The following ABI3BP variants were observed in gnomAD, a reference collection of about 807,000 sequenced individuals.
The protein encoded by ABI3BP is ABI family member 3 binding protein.
In ABI3BP, 216 loss-of-function variants were observed where a neutral mutation model predicts 268.6. The ratio of observed to expected loss-of-function variants is 0.80; its 90% CI spans 0.72 to 0.90. The LOEUF (loss-of-function observed/expected upper bound fraction) is 0.90. Ranked by LOEUF, ABI3BP falls within the 40% of genes least tolerant of loss-of-function variation. The pLI is 0.00. For synonymous variants in ABI3BP, 730 were observed against 730.0 expected (o/e 1.00, Z 0.00); for missense variants, 2,090 against 2,182.4 (o/e 0.96, Z 0.84).
In ABI3BP at chr3:100,991,198, T is replaced by C. The variant is rs2092856483; in HGVS notation, c.79+2108A>G. On this transcript the variant is annotated intron_variant, in intron 1 of 67. Transcript: ENST00000471714. ...AATCACTAGACTAAGTGATCATGAA[T>C]ATCTTTTCTAGCTCCAGAATTCTAA... Among the ~76,000 whole-genome samples, 3 of 152,196 alleles carry C rather than the reference T, an allele frequency of 2.0e-5. 1 individual carries two copies. The South Asian group carries it at 6.2e-4, about 31-fold the overall frequency.
At chr3:100,965,310 G>A (rs754251262) in intron 1 of ABI3BP, among the ~76,000 whole-genome samples, 1 of 152,112 alleles carries the variant, frequency 6.6e-6, no homozygotes, top group Non-Finnish European at 1.5e-5. Context: ...TATGGATATA[G>A]TGACAAAATT....
Position 100,796,556 on chromosome 3 carries a change from C to A in ABI3BP, c.3758-88G>T. 3.0e-6 allele frequency: 3 copies of A among 1,004,372 alleles called. No individual in the cohort carries two copies. In the South Asian group the frequency reaches 5.7e-5, roughly 19 times the overall value. The allele number at this position is 1,004,372 out of a possible 1,614,324, so 62.2% of individuals were successfully genotyped here. A position where few individuals can be genotyped will look rare whatever the true frequency, so the allele number is the denominator to read the frequency against. ...CCACAGATATAAAAATCCCAGAAAG[C>A]ATGAATGAAGCAAAAGTATTTTTAC... On this transcript the variant is annotated intron_variant, in intron 51 of 67. Transcript: ENST00000471714.
chr3:100,792,655 G>A, intron 55 of ABI3BP, 36 bp downstream of exon 55: 1 of 1,589,122 alleles, frequency 6.3e-7, no homozygotes. Context: ...AGCAAATAAG[G>A]AAAAGTTATT....
intron 1 of ABI3BP, among the ~76,000 whole-genome samples, chr3:100,967,214 T>C (rs73144915): frequency 0.14 from 21,283 of 152,066 alleles, 1,580 homozygotes; most frequent in Middle Eastern, 0.2. Flanking sequence ...TCAAATATTA[T>C]TTGAGGGCTA....
intron 32 of ABI3BP, among the ~76,000 whole-genome samples, chr3:100,830,235 C>T (rs982001902): frequency 2.8e-5 from 4 of 145,106 alleles, no homozygotes; most frequent in African/African-American, 7.7e-5. Context: ...ATAGCTGTGC[C>T]GATTTACTCA....
rs2097866011 is a variant in ABI3BP, at chr3:100,811,816, A to T, written c.3422-17T>A. On this transcript the variant is annotated splice_polypyrimidine_tract_variant and intron_variant, in intron 46 of 67. Coordinates refer to ENST00000471714, the MANE Select transcript of ABI3BP (RefSeq NM_001375547.2). ...TGGCTGGTGCTAGGGAAGAAACGGG[A>T]ATGGCTGGTTAGTGGTGGCCAACCC... 1.3e-6 allele frequency: 2 copies of T among 1,534,442 alleles called. No homozygotes were observed. Among genetic ancestry groups the T allele is most frequent in the Non-Finnish European group, 1.7e-6 (2 of 1,145,562 alleles).
intron 1 of ABI3BP, among the ~76,000 whole-genome samples, chr3:100,933,679 T>C (rs2064668738): frequency 6.9e-6 from 1 of 145,960 alleles, no homozygotes; most frequent in African/African-American, 2.5e-5. Context: ...GTAAAGAAAA[T>C]AATTCTTTCT....
intron 4 of ABI3BP, among the ~76,000 whole-genome samples, chr3:100,897,577 C>T (rs1324991351): frequency 6.6e-6 from 1 of 152,130 alleles, no homozygotes; most frequent in African/African-American, 2.4e-5. Context: ...TACTATATGA[C>T]TCCATTTATA....
intron 51 of ABI3BP, 50 bp from the exon 52 acceptor site, chr3:100,796,518 G>A (rs1401210316): frequency 7.2e-7 from 1 of 1,397,274 alleles, no homozygotes; most frequent in African/African-American, 1.5e-5. Flanking sequence ...AACCCAACTG[G>A]AGTGAGCTTA....
chr3:100,873,441 G>A (rs2099130072), intron 9 of ABI3BP, among the ~76,000 whole-genome samples: 1 of 152,004 alleles, frequency 6.6e-6, no homozygotes, highest in Non-Finnish European at 1.5e-5. Flanking sequence ...AGGGAAAGGG[G>A]GAAAAAGGAA....
chr3:100,804,052 G>T (rs186959065), intron 51 of ABI3BP, among the ~76,000 whole-genome samples: 1 of 152,162 alleles, frequency 6.6e-6, no homozygotes, highest in African/African-American at 2.4e-5. Flanking sequence ...AAAGGAAAGA[G>T]AAAAAACTCA....
intron 4 of ABI3BP, among the ~76,000 whole-genome samples, chr3:100,891,046 C>T (rs2044410245): frequency 6.6e-6 from 1 of 151,432 alleles, no homozygotes; most frequent in Non-Finnish European, 1.5e-5. Context: ...CATCTATAGC[C>T]AAATAGAAAG....
At chr3:100,792,598 T>C in intron 55 of ABI3BP, 93 bp downstream of exon 55, 1 of 1,277,028 alleles carries the variant, frequency 7.8e-7, no homozygotes, top group Non-Finnish European at 1.1e-6. Context: ...AGTAATCCAC[T>C]GTGTTGAGAA....
At chr3:100,927,269 A>G (rs2062062805) in intron 1 of ABI3BP, among the ~76,000 whole-genome samples, 1 of 152,152 alleles carries the variant, frequency 6.6e-6, no homozygotes, top group Admixed American at 6.6e-5. Flanking sequence ...AAAGGTCTTG[A>G]CCAAATGGTG....
chr3:100,749,871 C>G lies in ABI3BP; in HGVS notation c.*624G>C. On this transcript the variant is annotated 3_prime_UTR_variant, in exon 68 of 68. Coordinates refer to ENST00000471714, the MANE Select transcript of ABI3BP (RefSeq NM_001375547.2). ...CTGAAATGAAATTTACTGATTCAAT[C>G]TTTTTAAGAATTTGTGGATGTTTAA... 1 of 395,708 alleles carries G rather than the reference C, an allele frequency of 2.5e-6. No homozygotes were observed. The highest frequency in any genetic ancestry group is 4.5e-6 in the Non-Finnish European group (1 of 224,610). 24.5% of individuals were successfully genotyped at this position (395,708 alleles called of 1,614,324 possible).
In ABI3BP at chr3:100,967,230, G is replaced by A. The variant is rs559156605; in HGVS notation, c.79+26076C>T. Among the ~76,000 whole-genome samples, 19 of 152,148 alleles carry A rather than the reference G, an allele frequency of 1.2e-4. No homozygotes were observed. In the South Asian group the frequency reaches 3.3e-3, roughly 27 times the overall value. On this transcript the variant is annotated intron_variant, in intron 1 of 67. Transcript: ENST00000471714. ...CAAATATTATTTGAGGGCTAGGTGC[G>A]GTGGCTCACACCTGTAATCGTAATA... is the stretch of plus-strand genomic sequence containing the variant.
intron 67 of ABI3BP, among the ~76,000 whole-genome samples, chr3:100,751,110 A>G (rs1164166601): frequency 6.6e-6 from 1 of 152,174 alleles, no homozygotes; most frequent in Non-Finnish European, 1.5e-5. Flanking sequence ...AGCAATTTAC[A>G]GAGGTTATTC....
intron 1 of ABI3BP, among the ~76,000 whole-genome samples, chr3:100,928,447 C>T (rs1196452202): frequency 1.3e-5 from 2 of 152,044 alleles, no homozygotes; most frequent in Non-Finnish European, 2.9e-5. Context: ...GCCTGCACAG[C>T]CTCAATAGAA....
intron 57 of ABI3BP, among the ~76,000 whole-genome samples, chr3:100,784,807 T>C (rs2007437): frequency 0.63 from 95,792 of 152,004 alleles, 32,805 homozygotes; most frequent in East Asian, 0.94. Flanking sequence ...TATATGTTCT[T>C]ACTTAAAAGT....
Sources: gnomAD v4.1 joint callset for allele counts (sites outside exome capture counted in the v4.1 genomes callset) on GRCh38, gnomAD v4.1.1 for gene constraint, MANE v1.5 for transcripts, NCBI Gene and HGNC (gene_info 2026-07-23, HGNC 2026-07-21) for gene names.